Variants in UBAP1 observed in about 807,000 individuals in gnomAD.
UBAP1 encodes the protein ubiquitin-associated protein 1.
Under a neutral mutation model 39.0 loss-of-function variants are expected in UBAP1, and 5 were observed. The observed-to-expected ratio is 0.13, with a 90% CI of 0.07 to 0.27. UBAP1 has a LOEUF of 0.27. Ranked by LOEUF, UBAP1 falls within the 10% of genes least tolerant of loss-of-function variation. The pLI is 1.00. For missense variants in UBAP1, 490 were observed against 608.1 expected (o/e 0.81, Z 2.04); for synonymous variants, 211 against 225.1 (o/e 0.94, Z 0.56).
intron 4 of UBAP1, among the ~76,000 whole-genome samples, chr9:34,248,572 A>T (rs1834298071): frequency 6.6e-6 from 1 of 152,140 alleles, no homozygotes; most frequent in South Asian, 2.1e-4. Flanking sequence ...AAGTGGCTAG[A>T]CTGGTGTGAT....
intron 4 of UBAP1, among the ~76,000 whole-genome samples, chr9:34,249,303 A>C (rs1338514877): frequency 6.6e-6 from 1 of 152,174 alleles, no homozygotes; most frequent in Non-Finnish European, 1.5e-5. Flanking sequence ...CGAAGAGTAG[A>C]GACTTTGGGA....
chr9:34,184,461 C>G (rs893463499), intron 1 of UBAP1, among the ~76,000 whole-genome samples: 2 of 142,458 alleles, frequency 1.4e-5, no homozygotes, highest in African/African-American at 6.1e-5. Flanking sequence ...GAAACCCTGT[C>G]TCTACTAAAA....
chr9:34,232,952 G>A (rs1026709986), intron 2 of UBAP1, among the ~76,000 whole-genome samples: 3 of 152,178 alleles, frequency 2.0e-5, no homozygotes, highest in African/African-American at 7.2e-5. Context: ...TATAGCTATC[G>A]AGAGTCTCAT....
intron 4 of UBAP1, among the ~76,000 whole-genome samples, chr9:34,246,747 T>C (rs539661895): frequency 1.3e-5 from 2 of 152,308 alleles, no homozygotes; most frequent in South Asian, 4.1e-4. Flanking sequence ...GAGGGCCACA[T>C]AGGTACAGAA....
intron 6 of UBAP1, 67 bp downstream of exon 6, chr9:34,250,826 C>A (rs779615040): frequency 7.3e-7 from 1 of 1,369,716 alleles, no homozygotes; most frequent in African/African-American, 1.4e-5. Flanking sequence ...TCCTGGTTTT[C>A]TCCCTTGGCC....
rs563334692 is a variant in UBAP1 at position 34,214,582 on chromosome 9, C to T, written c.-7-6326C>T. Among the ~76,000 whole-genome samples, 14 of 152,146 alleles carry T rather than the reference C, an allele frequency of 9.2e-5. No individual in the cohort carries two copies. In the South Asian group the frequency reaches 1.0e-3, roughly 11 times the overall value. Reference sequence around the variant, plus strand: ...AAACCCTTCTAGACATTGGCTTAGGCGAGGATTTCATGACCAAGAACCCAA... The same window carrying T: ...AAACCCTTCTAGACATTGGCTTAGGTGAGGATTTCATGACCAAGAACCCAA... On this transcript the variant is annotated intron_variant, in intron 1 of 6. Transcript: ENST00000297661.
chr9:34,222,787 C>G (rs1310774588), intron 2 of UBAP1, among the ~76,000 whole-genome samples: 1 of 151,788 alleles, frequency 6.6e-6, no homozygotes, highest in Non-Finnish European at 1.5e-5. Flanking sequence ...CACATGAGAG[C>G]CTGTCTCAAA....
chr9:34,224,024 T>TC (rs1166443025), intron 2 of UBAP1: 3 of 510,738 alleles, frequency 5.9e-6, no homozygotes, highest in African/African-American at 3.9e-5. Flanking sequence ...AAGATAGAAC[T>TC]CCAACTCCTT....
rs574720878 is a variant in UBAP1, at chr9:34,246,748, A to G, written c.1084-3031A>G. Among the ~76,000 whole-genome samples the G allele has an allele frequency of 1.2e-4, 19 of 152,348 alleles. 1 individual carries two copies. In the South Asian group the frequency reaches 3.9e-3, roughly 32 times the overall value. On this transcript the variant is annotated intron_variant, in intron 4 of 6. Coordinates refer to ENST00000297661, the MANE Select transcript of UBAP1 (RefSeq NM_016525.5). ...TTGAGGTTAGGCTTGAGGGCCACAT[A>G]GGTACAGAAAGGACTGCCACCTTCT...
intron 3 of UBAP1, among the ~76,000 whole-genome samples, chr9:34,239,570 G>A (rs1365400032): frequency 1.3e-5 from 2 of 152,218 alleles, no homozygotes; most frequent in Non-Finnish European, 2.9e-5. Flanking sequence ...GAAAGCTTCT[G>A]TTGAATGTGG....
intron 1 of UBAP1, among the ~76,000 whole-genome samples, chr9:34,193,171 G>A (rs767464392): frequency 7.2e-5 from 11 of 151,942 alleles, no homozygotes; most frequent in Non-Finnish European, 1.2e-4. Flanking sequence ...TTAGCCAGGC[G>A]TGGTGGTATG....
chr9:34,237,684 C>T (rs1378114541), intron 3 of UBAP1, among the ~76,000 whole-genome samples: 1 of 152,138 alleles, frequency 6.6e-6, no homozygotes, highest in Non-Finnish European at 1.5e-5. Context: ...CCTCCCTCCT[C>T]AGCCTCCTGA....
chr9:34,221,463 G>C (rs1832754794), intron 2 of UBAP1, among the ~76,000 whole-genome samples: 1 of 151,570 alleles, frequency 6.6e-6, no homozygotes, highest in South Asian at 2.1e-4. Context: ...CCGGGAGGCG[G>C]AGCTTGCAGT....
intron 2 of UBAP1, among the ~76,000 whole-genome samples, chr9:34,228,991 AC>A (rs1436963633): frequency 6.6e-6 from 1 of 152,060 alleles, no homozygotes; most frequent in Non-Finnish European, 1.5e-5. Flanking sequence ...AAGTACGAAG[AC>A]CCTGGAGGGT....
chr9:34,249,822 C>T lies in UBAP1; in HGVS notation c.1127C>T (p.Pro376Leu). 1 of 1,614,202 alleles carries T rather than the reference C, an allele frequency of 6.2e-7. No homozygotes were observed. Among genetic ancestry groups the T allele is most frequent in the South Asian group, 1.1e-5 (1 of 91,084 alleles). The change falls in exon 5 of 7, where the codon CCC becomes CTC. Residue 376 changes from proline to leucine, a missense_variant. Around this residue, in one of 3 missense-constraint regions of UBAP1, gnomAD observed 339 missense variants for 390.0 expected, o/e 0.87. Transcript: ENST00000297661. ...TCAGTGTCACAAGTGCCCAACATGCCCAGCTGTCCCCAGGCCTATTCTGAA... is the reference window on the plus strand; with the variant it reads ...TCAGTGTCACAAGTGCCCAACATGCTCAGCTGTCCCCAGGCCTATTCTGAA... ...NFSVSQVPNM[P>L]SCPQAYSELQ...
chr9:34,234,846 C>G (rs1833604051), intron 3 of UBAP1, among the ~76,000 whole-genome samples: 1 of 152,096 alleles, frequency 6.6e-6, no homozygotes, highest in Non-Finnish European at 1.5e-5. Context: ...CTATGCTATA[C>G]TTTTTAGCAT....
intron 5 of UBAP1, 104 bp downstream of exon 5, chr9:34,250,065 C>T (rs1156514361): frequency 1.6e-6 from 2 of 1,274,954 alleles, no homozygotes; most frequent in Non-Finnish European, 2.2e-6. Flanking sequence ...AACCTCCTTT[C>T]CTGTGGGTTT....
At chr9:34,241,142 G>T in intron 3 of UBAP1, 43 bp from the exon 4 acceptor site, 1 of 1,368,434 alleles carries the variant, frequency 7.3e-7, no homozygotes, top group Non-Finnish European at 9.6e-7. Flanking sequence ...GGTAAAGATG[G>T]CCACCTGGGT....
intron 4 of UBAP1, among the ~76,000 whole-genome samples, chr9:34,243,527 C>G (rs1479465730): frequency 6.6e-6 from 1 of 151,710 alleles, no homozygotes. Context: ...ATTCTGTCAC[C>G]CAGGCTGGAA....
Sources: gnomAD v4.1 joint callset for allele counts (sites outside exome capture counted in the v4.1 genomes callset) on GRCh38, gnomAD v4.1.1 for gene constraint, gnomAD v4.1.1 regional missense constraint, MANE v1.5 for transcripts, NCBI Gene and HGNC (gene_info 2026-07-23, HGNC 2026-07-21) for gene names.